The following GALNT13 variants were observed in gnomAD, a reference collection of about 807,000 sequenced individuals.
GALNT13 encodes the protein UDP-GalNAc:polypeptide N-acetylgalactosaminyltransferase 13.
Under a neutral mutation model 64.2 loss-of-function variants are expected in GALNT13, and 28 were observed. That is an observed-to-expected ratio of 0.44 (90% CI 0.32 to 0.60). The LOEUF is 0.60. Among genes scored for constraint, GALNT13 ranks in the 20% least tolerant of loss-of-function variants. GALNT13 has a pLI of 0.05. For missense variants in GALNT13, 577 were observed against 669.8 expected (o/e 0.86, Z 1.53); for synonymous variants, 214 against 224.6 (o/e 0.95, Z 0.42).
At chr2:153,828,399 CA>C in the GALNT13 span, among the ~76,000 whole-genome samples, 1 of 152,196 alleles carries the variant, frequency 6.6e-6, no homozygotes, top group Non-Finnish European at 1.5e-5. Context: ...TGGAGGTTCC[CA>C]AACCTCAAAT....
the GALNT13 span, among the ~76,000 whole-genome samples, chr2:153,591,940 C>T: frequency 2.0e-5 from 3 of 151,920 alleles, no homozygotes; most frequent in African/African-American, 7.2e-5. Context: ...AGATGAGGGA[C>T]GAATATCCAG....
chr2:153,139,623 G>A, the GALNT13 span, among the ~76,000 whole-genome samples: 7 of 151,940 alleles, frequency 4.6e-5, no homozygotes, highest in Admixed American at 3.3e-4. Context: ...CAAGCTCAGA[G>A]GACAACAAAA....
chr2:153,881,701 G>T (rs1049508309), intron 1 of GALNT13, among the ~76,000 whole-genome samples: 8 of 152,044 alleles, frequency 5.3e-5, no homozygotes, highest in Non-Finnish European at 1.0e-4. Flanking sequence ...TAAAATATTT[G>T]CAAATATCTC....
At chr2:153,817,233 C>T in the GALNT13 span, among the ~76,000 whole-genome samples, 1 of 152,180 alleles carries the variant, frequency 6.6e-6, no homozygotes, top group East Asian at 1.9e-4. Context: ...GAGGAAAAAC[C>T]TGACCAAGTT....
At chr2:154,130,063 C>A (rs1362329181) in intron 3 of GALNT13, among the ~76,000 whole-genome samples, 1 of 152,094 alleles carries the variant, frequency 6.6e-6, no homozygotes, top group African/African-American at 2.4e-5. Flanking sequence ...TATAAAGAAG[C>A]AACTGCTAGC....
chr2:153,433,430 G>A, the GALNT13 span, among the ~76,000 whole-genome samples: 2 of 51,178 alleles, frequency 3.9e-5, no homozygotes, highest in African/African-American at 2.2e-4. Context: ...TTAGGCTTTG[G>A]CAATCCTCTT....
rs1034827466 is a variant in GALNT13 at position 153,924,395 on chromosome 2, C to G, written c.-104-19999C>G. Among the ~76,000 whole-genome samples, 3 of 151,842 alleles carry G rather than the reference C, an allele frequency of 2.0e-5. No individual in the cohort carries two copies. In the East Asian group the frequency reaches 5.9e-4, roughly 30 times the overall value. On this transcript the variant is annotated intron_variant, in intron 2 of 12. Transcript: ENST00000392825. Reference sequence around the variant, plus strand: ...TTCCTGCACAGGACATGATCTCATTCCTTTTTATGGCTGCATAATATTCCA... The same window carrying G: ...TTCCTGCACAGGACATGATCTCATTGCTTTTTATGGCTGCATAATATTCCA...
the GALNT13 span, among the ~76,000 whole-genome samples, chr2:153,353,462 A>G: frequency 3.9e-4 from 59 of 152,014 alleles, no homozygotes; most frequent in African/African-American, 1.3e-3. Flanking sequence ...GTCTTATTGT[A>G]TTAGCTGGAC....
chr2:153,734,932 G>A, the GALNT13 span, among the ~76,000 whole-genome samples: 1 of 152,126 alleles, frequency 6.6e-6, no homozygotes, highest in African/African-American at 2.4e-5. Flanking sequence ...AAAATGTAGA[G>A]CTGTCTTTTC....
At chr2:153,517,449 C>A in the GALNT13 span, among the ~76,000 whole-genome samples, 54 of 152,208 alleles carry the variant, frequency 3.5e-4, no homozygotes, top group African/African-American at 1.3e-3. Context: ...AGGTTTGAAA[C>A]CCTTTATGGT....
chr2:154,137,221 C>T (rs1034126025), intron 3 of GALNT13, among the ~76,000 whole-genome samples: 14 of 151,992 alleles, frequency 9.2e-5, no homozygotes, highest in South Asian at 2.1e-4. Context: ...GTAAAAGGCT[C>T]GTTCCCCACT....
intron 9 of GALNT13, among the ~76,000 whole-genome samples, chr2:154,365,419 TAA>T (rs1697313123): frequency 6.6e-6 from 1 of 152,208 alleles, no homozygotes; most frequent in African/African-American, 2.4e-5. Flanking sequence ...GCCAATATTT[TAA>T]AAAGAGAATG....
At chr2:154,117,416 C>A (rs1169623047) in intron 3 of GALNT13, among the ~76,000 whole-genome samples, 1 of 152,098 alleles carries the variant, frequency 6.6e-6, no homozygotes, top group Non-Finnish European at 1.5e-5. Context: ...TTTCCCTCAC[C>A]CTCCTCTCAC....
intron 3 of GALNT13, among the ~76,000 whole-genome samples, chr2:154,067,026 C>A (rs1303599585): frequency 1.3e-5 from 2 of 152,024 alleles, no homozygotes; most frequent in Non-Finnish European, 2.9e-5. Context: ...TTAGTTATTG[C>A]TTTTCCTGTT....
chr2:153,646,047 T>C, the GALNT13 span, among the ~76,000 whole-genome samples: 1 of 152,124 alleles, frequency 6.6e-6, no homozygotes, highest in Non-Finnish European at 1.5e-5. Flanking sequence ...ATTTCTATTT[T>C]GGTGTAATAA....
chr2:154,043,500 G>A (rs1038466668), intron 3 of GALNT13, among the ~76,000 whole-genome samples: 2 of 136,612 alleles, frequency 1.5e-5, no homozygotes, highest in Admixed American at 7.6e-5. Context: ...TAGAAATAAG[G>A]TCTCTATTTA....
intron 9 of GALNT13, among the ~76,000 whole-genome samples, chr2:154,334,032 G>A (rs559720724): frequency 3.3e-5 from 5 of 151,976 alleles, no homozygotes; most frequent in South Asian, 4.1e-4. Context: ...ACAGGCAGTC[G>A]TTTATATTCC....
chr2:153,916,000 T>C (rs561610771), intron 2 of GALNT13, among the ~76,000 whole-genome samples: 65 of 152,158 alleles, frequency 4.3e-4, no homozygotes, highest in African/African-American at 1.4e-3. Context: ...AAGGGAAAGA[T>C]AGATATTTAG....
chr2:153,910,499 C>A (rs1688864279), intron 2 of GALNT13, among the ~76,000 whole-genome samples: 2 of 152,112 alleles, frequency 1.3e-5, no homozygotes, highest in South Asian at 4.1e-4. Context: ...TTTCTTCTTG[C>A]TTCTCTACTT....
Sources: gnomAD v4.1 joint callset for allele counts (sites outside exome capture counted in the v4.1 genomes callset) on GRCh38, gnomAD v4.1.1 for gene constraint, MANE v1.5 for transcripts, NCBI Gene and HGNC (gene_info 2026-07-23, HGNC 2026-07-21) for gene names.